TNKS: variants seen among roughly 807,000 people sequenced by gnomAD.
TNKS encodes the protein poly [ADP-ribose] polymerase tankyrase-1.
In TNKS, 72 loss-of-function variants were observed where a neutral mutation model predicts 135.8. That is an observed-to-expected ratio of 0.53 (90% CI 0.44 to 0.64). The LOEUF (loss-of-function observed/expected upper bound fraction) is 0.64, where lower values mean the gene tolerates loss of function less well. Ranked by LOEUF, TNKS falls within the 30% of genes least tolerant of loss-of-function variation. TNKS has a pLI of 0.00. For missense variants in TNKS, 1,769 were observed against 1,674.0 expected, an observed-to-expected ratio of 1.06 and a Z score of -0.99; for synonymous variants, 849 against 649.3, an observed-to-expected ratio of 1.31 and a Z score of -4.68.
rs34311181 is a variant in TNKS at position 9,698,374 on chromosome 8, G to GAAAAAAAAAAAAAAAAAAAAAAAA, written c.1108-6272_1108-6271insAAAAAAAAAAAAAAAAAAAAAAAA. Among the ~76,000 whole-genome samples, 58 of 98,750 alleles carry GAAAAAAAAAAAAAAAAAAAAAAAA rather than the reference G, an allele frequency of 5.9e-4. 2 individuals are homozygous for GAAAAAAAAAAAAAAAAAAAAAAAA. The highest frequency in any genetic ancestry group is 1.8e-3 in the East Asian group (5 of 2,730). The allele number at this position is 98,750 out of a possible 152,430, so 64.8% of individuals were successfully genotyped here. On this transcript the variant is annotated intron_variant, in intron 5 of 26. Transcript: ENST00000310430. ...GTATCTAAAAGTTAAATTTTAAAAT[G>GAAAAAAAAAAAAAAAAAAAAAAAA]AAAAAAAAAAAAAAAAAGCTTAAGT...
rs890502349 is a variant in TNKS, at chr8:9,778,847, T to C, written c.*2111T>C. On this transcript the variant is annotated 3_prime_UTR_variant, in exon 27 of 27. Coordinates refer to ENST00000310430, the MANE Select transcript of TNKS (RefSeq NM_003747.3). Reference sequence around the variant, plus strand: ...GTTAAGTAAAAGAGTTAATATGATATAGATATGGAAAGCTTTATGGCTTCA... The same window carrying C: ...GTTAAGTAAAAGAGTTAATATGATACAGATATGGAAAGCTTTATGGCTTCA... 3.3e-5 allele frequency: 5 copies of C among 152,196 alleles called. No individual in the cohort carries two copies. The highest frequency in any genetic ancestry group is 5.9e-5 in the Non-Finnish European group (4 of 68,024). 9.4% of individuals were successfully genotyped at this position (152,196 alleles called of 1,614,324 possible). A position where few individuals can be genotyped will look rare whatever the true frequency, so the allele number is the denominator to read the frequency against.
At chr8:9,664,742 A>G (rs961448864) in intron 3 of TNKS, among the ~76,000 whole-genome samples, 5 of 152,248 alleles carry the variant, frequency 3.3e-5, no homozygotes, top group Non-Finnish European at 1.5e-5. Context: ...TGCATGTGTA[A>G]TTTAAGTTCA....
intron 2 of TNKS, among the ~76,000 whole-genome samples, chr8:9,604,460 A>G (rs1799143126): frequency 6.6e-6 from 1 of 152,122 alleles, no homozygotes; most frequent in Non-Finnish European, 1.5e-5. Flanking sequence ...ATAGAATTCA[A>G]TGGAAATGGA....
intron 5 of TNKS, among the ~76,000 whole-genome samples, chr8:9,688,376 T>C (rs1300899054): frequency 1.3e-5 from 2 of 152,250 alleles, no homozygotes; most frequent in Admixed American, 6.5e-5. Flanking sequence ...AATTATGGAT[T>C]TAAGAATTCT....
At chr8:9,629,923 C>T (rs947675553) in intron 3 of TNKS, among the ~76,000 whole-genome samples, 1 of 152,138 alleles carries the variant, frequency 6.6e-6, no homozygotes, top group African/African-American at 2.4e-5. Flanking sequence ...ACCTTGTGAT[C>T]CGCCCGCCTC....
At chr8:9,564,225 T>A (rs1227003236) in intron 1 of TNKS, among the ~76,000 whole-genome samples, 1 of 152,202 alleles carries the variant, frequency 6.6e-6, no homozygotes, top group Non-Finnish European at 1.5e-5. Flanking sequence ...CTGTAAAGCA[T>A]TCCCTACCCC....
In TNKS at chr8:9,587,767, A is replaced by G. The variant is rs549909133; in HGVS notation, c.898+7384A>G. Among the ~76,000 whole-genome samples, 3 of 152,288 alleles carry G rather than the reference A, an allele frequency of 2.0e-5. No individual in the cohort carries two copies. The South Asian group carries it at 6.2e-4, about 32-fold the overall frequency. On this transcript the variant is annotated intron_variant, in intron 2 of 26. Transcript: ENST00000310430. ...AGGATCTCCAGAACTGTAGGAGAGT[A>G]AGTTTGTTGTTGTTATTGTTTTAAA...
intron 11 of TNKS, among the ~76,000 whole-genome samples, chr8:9,714,488 ATT>A (rs1195876889): frequency 6.6e-6 from 1 of 152,174 alleles, no homozygotes; most frequent in East Asian, 1.9e-4. Flanking sequence ...AATTATCTAA[ATT>A]TTATAAGACA....
At chr8:9,640,517 C>T (rs1223513081) in intron 3 of TNKS, among the ~76,000 whole-genome samples, 1 of 145,956 alleles carries the variant, frequency 6.9e-6, no homozygotes, top group African/African-American at 2.5e-5. Flanking sequence ...AATGTGTCTA[C>T]TGAATAGGGA....
chr8:9,658,973 C>A (rs1008068288), intron 3 of TNKS, among the ~76,000 whole-genome samples: 4 of 152,116 alleles, frequency 2.6e-5, no homozygotes, highest in South Asian at 4.1e-4. Flanking sequence ...CAACCAAGAT[C>A]AAAAGAGACA....
chr8:9,585,238 A>T (rs1044104284), intron 2 of TNKS, among the ~76,000 whole-genome samples: 1 of 152,168 alleles, frequency 6.6e-6, no homozygotes, highest in Non-Finnish European at 1.5e-5. Flanking sequence ...CTTACGTGTG[A>T]GATGTACAGA....
intron 3 of TNKS, among the ~76,000 whole-genome samples, chr8:9,646,965 G>A (rs1213491882): frequency 6.6e-6 from 1 of 152,114 alleles, no homozygotes; most frequent in African/African-American, 2.4e-5. Flanking sequence ...ATATCCCTTA[G>A]TAGATGATGG....
intron 2 of TNKS, among the ~76,000 whole-genome samples, chr8:9,580,838 A>G (rs928771583): frequency 6.6e-6 from 1 of 152,130 alleles, no homozygotes; most frequent in South Asian, 2.1e-4. Flanking sequence ...TCAGAACTTA[A>G]TCGTTTCAAT....
At position 9,631,047 on chromosome 8, in the gene TNKS, A is replaced by G. The variant is rs372539517; in HGVS notation, c.994+15370A>G. ...ATTAATTTGCTTAGTTTTAAACAAA[A>G]CAAGTCTCAATTCTCTCACAAGGCT... On this transcript the variant is annotated intron_variant, in intron 3 of 26. Coordinates refer to ENST00000310430, the MANE Select transcript of TNKS (RefSeq NM_003747.3). 6.6e-5 allele frequency among the ~76,000 whole-genome samples: 10 copies of G among 152,360 alleles called. No homozygotes were observed. In the East Asian group the frequency reaches 1.9e-3, roughly 29 times the overall value.
chr8:9,748,868 A>G (rs1806377985), intron 18 of TNKS, among the ~76,000 whole-genome samples: 1 of 152,200 alleles, frequency 6.6e-6, no homozygotes, highest in African/African-American at 2.4e-5. Context: ...TCACTTGTGC[A>G]ACTGCATATA....
At chr8:9,749,471 CTT>C (rs68021813) in intron 18 of TNKS, among the ~76,000 whole-genome samples, 15 of 137,516 alleles carry the variant, frequency 1.1e-4, no homozygotes, top group Admixed American at 2.2e-4. Context: ...TTTTTCTTTT[CTT>C]TTTTTTTTTT....
intron 3 of TNKS, among the ~76,000 whole-genome samples, chr8:9,673,931 TC>T (rs1802420974): frequency 6.6e-6 from 1 of 152,196 alleles, no homozygotes. Context: ...AAAGTAACTT[TC>T]TTTTGAAAGA....
intron 2 of TNKS, among the ~76,000 whole-genome samples, chr8:9,603,818 G>C (rs929152983): frequency 1.3e-4 from 20 of 152,134 alleles, no homozygotes; most frequent in Non-Finnish European, 2.5e-4. Context: ...ATAGCACGAG[G>C]ATATTAAGAG....
intron 17 of TNKS, among the ~76,000 whole-genome samples, chr8:9,741,513 T>A (rs1460637430): frequency 1.3e-5 from 2 of 152,228 alleles, no homozygotes; most frequent in Non-Finnish European, 2.9e-5. Context: ...ATAAAGTATT[T>A]TACCTTTTGA....
Sources: allele counts gnomAD v4.1 joint callset (sites outside exome capture counted in the v4.1 genomes callset), GRCh38; gene constraint gnomAD v4.1.1; transcripts MANE v1.5; gene names NCBI Gene and HGNC (gene_info 2026-07-23, HGNC 2026-07-21).